The following SYNPO2 variants were observed in gnomAD, a reference collection of about 807,000 sequenced individuals.
The protein encoded by SYNPO2 is synaptopodin-2.
A neutral mutation model predicts 85.0 loss-of-function variants in SYNPO2; 56 were observed. That is an observed-to-expected ratio of 0.66 (90% CI 0.53 to 0.82). The LOEUF (loss-of-function observed/expected upper bound fraction) is 0.82. Ranked by LOEUF, SYNPO2 falls within the 40% of genes least tolerant of loss-of-function variation. The pLI is 0.00. For missense variants in SYNPO2, 1,575 were observed against 1,534.2 expected (o/e 1.03, Z -0.44); for synonymous variants, 602 against 591.1 (o/e 1.02, Z -0.27).
chr4:118,967,618 C>T (rs1388771371), intron 1 of SYNPO2, among the ~76,000 whole-genome samples: 1 of 152,186 alleles, frequency 6.6e-6, no homozygotes, highest in Non-Finnish European at 1.5e-5. Flanking sequence ...TCCAGAGAAC[C>T]ATTTGCCTCA....
intron 1 of SYNPO2, among the ~76,000 whole-genome samples, chr4:118,996,162 G>C (rs1179157407): frequency 1.3e-5 from 2 of 152,114 alleles, no homozygotes; most frequent in African/African-American, 4.8e-5. Flanking sequence ...GAAACACTAA[G>C]CTGTGCTTTG....
At chr4:119,054,218 G>C (rs942356200) in intron 4 of SYNPO2, among the ~76,000 whole-genome samples, 1 of 152,224 alleles carries the variant, frequency 6.6e-6, no homozygotes, top group Non-Finnish European at 1.5e-5. Flanking sequence ...GGGTGCTTGC[G>C]ACCCCAAAGC....
chr4:118,860,803 C>T (rs1021395479), intron 1 of SYNPO2, among the ~76,000 whole-genome samples: 2 of 152,118 alleles, frequency 1.3e-5, no homozygotes, highest in African/African-American at 4.8e-5. Flanking sequence ...GACCCACTTG[C>T]CTCGGCATCC....
chr4:118,876,373 T>C (rs1242448554), intron 1 of SYNPO2, among the ~76,000 whole-genome samples: 1 of 152,224 alleles, frequency 6.6e-6, no homozygotes, highest in Non-Finnish European at 1.5e-5. Context: ...TTGATCACCT[T>C]ATGTGTTGCA....
At chr4:119,013,438 C>T (rs914531313) in intron 1 of SYNPO2, among the ~76,000 whole-genome samples, 10 of 152,148 alleles carry the variant, frequency 6.6e-5, no homozygotes, top group African/African-American at 2.4e-4. Context: ...GTTTGAATTG[C>T]AAGCCATACT....
chr4:119,001,699 C>T (rs570367388), intron 1 of SYNPO2, among the ~76,000 whole-genome samples: 5 of 152,102 alleles, frequency 3.3e-5, no homozygotes, highest in Admixed American at 1.3e-4. Flanking sequence ...TTCTAGAATA[C>T]GTTTTATGAA....
Position 119,057,946 on chromosome 4 carries a change from AC to A in SYNPO2, c.*13del. On this transcript the variant is annotated 3_prime_UTR_variant, in exon 5 of 5. Coordinates refer to ENST00000307142, the MANE Select transcript of SYNPO2 (RefSeq NM_133477.3). Reference sequence around the variant, plus strand: ...GACGCCAAACATGAAAGTTAGAAGAACGGATCATGTGCCAACTGTAGTTTTT... The same window carrying A: ...GACGCCAAACATGAAAGTTAGAAGAAGGATCATGTGCCAACTGTAGTTTTT... 6.2e-7 allele frequency: 1 copy of A among 1,602,442 alleles called. No individual in the cohort carries two copies. The highest frequency in any genetic ancestry group is 8.5e-7 in the Non-Finnish European group (1 of 1,175,224).
intron 4 of SYNPO2, 83 bp from the exon 5 acceptor site, chr4:119,057,318 G>A (rs1303091381): frequency 7.5e-7 from 1 of 1,334,922 alleles, no homozygotes; most frequent in Non-Finnish European, 1.0e-6. Context: ...GCAGTGCTTG[G>A]TAATGGTGCT....
At chr4:118,889,506 G>A (rs1732293132) in intron 1 of SYNPO2, among the ~76,000 whole-genome samples, 1 of 152,180 alleles carries the variant, frequency 6.6e-6, no homozygotes, top group South Asian at 2.1e-4. Context: ...ACTTGGCTCT[G>A]GCAGAGGAGA....
intron 1 of SYNPO2, among the ~76,000 whole-genome samples, chr4:118,960,535 A>G (rs866966688): frequency 8.6e-5 from 13 of 152,042 alleles, no homozygotes; most frequent in African/African-American, 2.7e-4. Flanking sequence ...CTAATCTCTC[A>G]TCTTCAAATT....
Position 119,018,359 on chromosome 4 carries a change from G to GGGTT in SYNPO2, c.106-5069_106-5066dup, listed in dbSNP as rs541739760. 5.3e-4 allele frequency among the ~76,000 whole-genome samples: 81 copies of GGGTT among 152,180 alleles called. No individual in the cohort carries two copies. The South Asian group carries it at 0.016, about 31-fold the overall frequency. ...TCCACTCATCCACTGATGGACACTT[G>GGGTT]GGTTGATTCCATATCTTGGCTATTG... On this transcript the variant is annotated intron_variant, in intron 1 of 4. Coordinates refer to ENST00000307142, the MANE Select transcript of SYNPO2 (RefSeq NM_133477.3).
intron 1 of SYNPO2, among the ~76,000 whole-genome samples, chr4:118,927,496 C>T (rs527907753): frequency 1.3e-5 from 2 of 152,160 alleles, no homozygotes; most frequent in South Asian, 2.1e-4. Context: ...GAGTCTAAAG[C>T]GCAAGTCCTC....
intron 1 of SYNPO2, among the ~76,000 whole-genome samples, chr4:118,990,633 G>A (rs1378616639): frequency 6.6e-6 from 1 of 150,452 alleles, no homozygotes; most frequent in Admixed American, 6.6e-5. Flanking sequence ...TTTTGAGACA[G>A]AATCTCGCTC....
intron 1 of SYNPO2, among the ~76,000 whole-genome samples, chr4:118,975,950 A>G (rs1298200719): frequency 6.6e-6 from 1 of 152,252 alleles, no homozygotes; most frequent in African/African-American, 2.4e-5. Context: ...AATATTTTAC[A>G]GATTTGTTGC....
intron 1 of SYNPO2, among the ~76,000 whole-genome samples, chr4:118,998,310 A>G (rs1214603361): frequency 9.2e-5 from 14 of 152,228 alleles, no homozygotes; most frequent in Admixed American, 9.2e-4. Flanking sequence ...TAAGCAGTGA[A>G]ACACACTTTA....
intron 3 of SYNPO2, 70 bp downstream of exon 3, chr4:119,027,508 G>T: frequency 7.4e-7 from 1 of 1,357,590 alleles, no homozygotes; most frequent in South Asian, 1.7e-5. Flanking sequence ...TTGCTTGCAT[G>T]AGTTTTTCAG....
At chr4:118,999,315 A>AT (rs952995704) in intron 1 of SYNPO2, among the ~76,000 whole-genome samples, 13 of 151,314 alleles carry the variant, frequency 8.6e-5, no homozygotes, top group Middle Eastern at 6.8e-3. Context: ...TGCCCAGCTA[A>AT]TTTTTTTTTA....
At chr4:119,012,461 A>C (rs912889848) in intron 1 of SYNPO2, among the ~76,000 whole-genome samples, 1 of 142,514 alleles carries the variant, frequency 7.0e-6, no homozygotes, top group Non-Finnish European at 1.5e-5. Context: ...TACATGTGTC[A>C]TGGTGGTTTG....
At chr4:118,872,569 G>T (rs1731821964) in intron 1 of SYNPO2, among the ~76,000 whole-genome samples, 1 of 152,076 alleles carries the variant, frequency 6.6e-6, no homozygotes, top group African/African-American at 2.4e-5. Context: ...CACATGTAAA[G>T]GTAGCTTAAC....
Sources: gnomAD v4.1 joint callset for allele counts (sites outside exome capture counted in the v4.1 genomes callset) on GRCh38, gnomAD v4.1.1 for gene constraint, MANE v1.5 for transcripts, NCBI Gene and HGNC (gene_info 2026-07-23, HGNC 2026-07-21) for gene names.